OCA2: variants seen among roughly 807,000 people sequenced by gnomAD.
The protein encoded by OCA2 is P protein.
Under a neutral mutation model 100.2 loss-of-function variants are expected in OCA2, and 77 were observed. That is an observed-to-expected ratio of 0.77 (90% CI 0.64 to 0.93). The LOEUF (loss-of-function observed/expected upper bound fraction) is 0.93, where lower values mean the gene tolerates loss of function less well. Ranked by LOEUF, OCA2 falls within the 40% of genes least tolerant of loss-of-function variation. OCA2 has a pLI of 0.00. For synonymous variants in OCA2, 432 were observed against 439.2 expected (o/e 0.98, Z 0.21); for missense variants, 1,062 against 1,089.1 (o/e 0.98, Z 0.35).
intron 21 of OCA2, among the ~76,000 whole-genome samples, chr15:27,869,377 A>C (rs1029778163): frequency 3.9e-5 from 6 of 152,372 alleles, no homozygotes; most frequent in Admixed American, 6.5e-5. Context: ...GTAATGTTGT[A>C]TTTCTTGATA....
At chr15:27,996,677 C>T (rs1226806137) in intron 9 of OCA2, among the ~76,000 whole-genome samples, 1 of 151,678 alleles carries the variant, frequency 6.6e-6, no homozygotes, top group Non-Finnish European at 1.5e-5. Context: ...TACATGCCTA[C>T]AAATTGATAG....
At chr15:27,893,047 C>T (rs114286473) in intron 19 of OCA2, among the ~76,000 whole-genome samples, 5,205 of 152,144 alleles carry the variant, frequency 0.034, 294 homozygotes, top group African/African-American at 0.12. Flanking sequence ...CCATGAAAGA[C>T]GTTGAATTAT....
At chr15:27,746,489 A>G in the OCA2 span, among the ~76,000 whole-genome samples, 1 of 89,000 alleles carries the variant, frequency 1.1e-5, no homozygotes, top group Non-Finnish European at 2.4e-5. Context: ...TAAATAAATA[A>G]ATAAATAGAA....
At chr15:27,739,444 T>C in the OCA2 span, among the ~76,000 whole-genome samples, 20 of 65,256 alleles carry the variant, frequency 3.1e-4, no homozygotes, top group South Asian at 3.5e-3. Context: ...TTCTTTCTTT[T>C]TTTTTTTTTT....
chr15:27,896,122 G>A (rs773400895), intron 19 of OCA2: 109 of 1,068,202 alleles, frequency 1.0e-4, no homozygotes, highest in Non-Finnish European at 1.4e-4. Context: ...GCCTTTACCT[G>A]CTATATGGAT....
chr15:27,878,070 T>C (rs1025724054), intron 19 of OCA2, among the ~76,000 whole-genome samples: 4 of 151,706 alleles, frequency 2.6e-5, no homozygotes, highest in African/African-American at 9.7e-5. Flanking sequence ...ATACATAACT[T>C]CTCTACAAAG....
intron 19 of OCA2, among the ~76,000 whole-genome samples, chr15:27,917,005 G>A (rs920260453): frequency 7.2e-5 from 11 of 152,122 alleles, no homozygotes; most frequent in African/African-American, 1.7e-4. Flanking sequence ...AGCCCAGGGC[G>A]TGAAGATGAA....
At chr15:27,890,816 A>G (rs1268626880) in intron 19 of OCA2, among the ~76,000 whole-genome samples, 2 of 152,152 alleles carry the variant, frequency 1.3e-5, no homozygotes, top group Non-Finnish European at 2.9e-5. Context: ...TCACGAGGTC[A>G]AGAGATCAAG....
intron 21 of OCA2, among the ~76,000 whole-genome samples, chr15:27,857,745 A>C (rs772619630): frequency 6.6e-6 from 1 of 152,302 alleles, no homozygotes; most frequent in South Asian, 2.1e-4. Context: ...CAGAAAGAGA[A>C]GATGGAGAGA....
chr15:28,045,797 T>C (rs1013730182), intron 2 of OCA2, among the ~76,000 whole-genome samples: 16 of 152,210 alleles, frequency 1.1e-4, no homozygotes, highest in African/African-American at 3.9e-4. Flanking sequence ...TCTGTCACAG[T>C]TTCCTCCAAA....
At chr15:27,779,355 G>A (rs2151081983) in intron 23 of OCA2, among the ~76,000 whole-genome samples, 1 of 152,298 alleles carries the variant, frequency 6.6e-6, no homozygotes, top group Admixed American at 6.5e-5. Flanking sequence ...ATTGAAAATG[G>A]AGTATTAACG....
intron 21 of OCA2, among the ~76,000 whole-genome samples, chr15:27,865,208 G>A (rs888444934): frequency 2.0e-5 from 3 of 151,960 alleles, no homozygotes; most frequent in African/African-American, 7.3e-5. Flanking sequence ...GGAATACCAC[G>A]CGAAGGCTGC....
intron 19 of OCA2, 148 bp downstream of exon 19, chr15:27,925,979 T>C: frequency 1.1e-6 from 1 of 940,592 alleles, no homozygotes; most frequent in Non-Finnish European, 1.6e-6. Flanking sequence ...CTGGTTAACT[T>C]AAAATAGTCC....
At chr15:27,796,840 G>T (rs184466154) in intron 23 of OCA2, among the ~76,000 whole-genome samples, 1 of 152,276 alleles carries the variant, frequency 6.6e-6, no homozygotes, top group East Asian at 1.9e-4. Context: ...CCTCATCCAA[G>T]GTTTCTCCAG....
Position 28,028,697 on chromosome 15 carries a change from G to GT in OCA2, c.327-639dup, listed in dbSNP as rs912227185. Among the ~76,000 whole-genome samples, 8 of 151,988 alleles carry GT rather than the reference G, an allele frequency of 5.3e-5. 1 individual carries two copies. Among genetic ancestry groups the GT allele is most frequent in the South Asian group, 2.1e-4 (1 of 4,814 alleles). Reference sequence around the variant, plus strand: ...TTTGTTGTTGTTGTTGTTTTGTTTTGTTTTTTGAGACAGAGTCTTGCTCTG... The same window carrying GT: ...TTTGTTGTTGTTGTTGTTTTGTTTTGTTTTTTTGAGACAGAGTCTTGCTCTG... On this transcript the variant is annotated intron_variant, in intron 3 of 23. Coordinates refer to ENST00000354638, the MANE Select transcript of OCA2 (RefSeq NM_000275.3).
At chr15:28,001,922 C>T (rs944157181) in intron 9 of OCA2, among the ~76,000 whole-genome samples, 1 of 152,194 alleles carries the variant, frequency 6.6e-6, no homozygotes, top group African/African-American at 2.4e-5. Context: ...AGCTAGGCGA[C>T]CTGGAGCCTG....
chr15:27,822,142 G>A (rs111807832), intron 23 of OCA2, among the ~76,000 whole-genome samples: 5 of 152,218 alleles, frequency 3.3e-5, no homozygotes, highest in Middle Eastern at 3.4e-3. Context: ...AGCTGAGCAC[G>A]TGTGTCATAA....
intron 14 of OCA2, among the ~76,000 whole-genome samples, chr15:27,968,520 A>G (rs1248194205): frequency 2.0e-5 from 3 of 152,258 alleles, no homozygotes; most frequent in Non-Finnish European, 2.9e-5. Context: ...GATTTAAACT[A>G]TATTAATTGT....
chr15:27,821,694 A>G (rs1198543431), intron 23 of OCA2, among the ~76,000 whole-genome samples: 2 of 152,034 alleles, frequency 1.3e-5, no homozygotes, highest in Admixed American at 1.3e-4. Context: ...CCACACATGC[A>G]CACATACACA....
Sources: allele counts gnomAD v4.1 joint callset (sites outside exome capture counted in the v4.1 genomes callset), GRCh38; gene constraint gnomAD v4.1.1; transcripts MANE v1.5; gene names NCBI Gene and HGNC (gene_info 2026-07-23, HGNC 2026-07-21).